Variants in TGM2 observed in about 807,000 individuals in gnomAD.
TGM2 encodes the protein transglutaminase 2, also known as protein-glutamine gamma-glutamyltransferase 2.
In TGM2, 53 loss-of-function variants were observed where a neutral mutation model predicts 75.6. The ratio of observed to expected loss-of-function variants is 0.70; its 90% CI spans 0.56 to 0.88. The LOEUF (loss-of-function observed/expected upper bound fraction) is 0.88, where lower values mean the gene tolerates loss of function less well. Ranked by LOEUF, TGM2 falls within the 40% of genes least tolerant of loss-of-function variation. The pLI is 0.00. For synonymous variants in TGM2, 374 were observed against 381.1 expected (o/e 0.98, Z 0.22); for missense variants, 842 against 928.5 (o/e 0.91, Z 1.21).
chr20:38,130,128 G>A lies in TGM2; in HGVS notation c.*91C>T. 1 of 1,557,444 alleles carries A rather than the reference G, an allele frequency of 6.4e-7. No homozygotes were observed. Among genetic ancestry groups the A allele is most frequent in the Admixed American group, 1.9e-5 (1 of 52,906 alleles). On this transcript the variant is annotated 3_prime_UTR_variant, in exon 13 of 13. Coordinates refer to ENST00000361475, the MANE Select transcript of TGM2 (RefSeq NM_004613.4). ...GCTGCCCACCCTGCCCTGGGGTCTGGGGCCCAAGAAGGGGCATATTTTGCT... is the reference window on the plus strand; with the variant it reads ...GCTGCCCACCCTGCCCTGGGGTCTGAGGCCCAAGAAGGGGCATATTTTGCT...
intron 9 of TGM2, among the ~76,000 whole-genome samples, chr20:38,139,182 A>G (rs766038271): frequency 2.0e-5 from 3 of 152,200 alleles, no homozygotes; most frequent in Non-Finnish European, 2.9e-5. Flanking sequence ...AACTGATTTA[A>G]CATCAGTAGC....
At chr20:38,150,554 A>G (rs948730665) in intron 4 of TGM2, among the ~76,000 whole-genome samples, 1 of 152,202 alleles carries the variant, frequency 6.6e-6, no homozygotes, top group African/African-American at 2.4e-5. Flanking sequence ...GATCTGGGTG[A>G]GGGTTTAAAG....
At chr20:38,131,398 C>G (rs1048386884) in intron 11 of TGM2, among the ~76,000 whole-genome samples, 169 bp from the exon 12 acceptor site, 1 of 147,008 alleles carries the variant, frequency 6.8e-6, no homozygotes, top group African/African-American at 2.6e-5. Context: ...CGGGAAAACA[C>G]CGATTGTGCT....
rs1375135628 is a variant in TGM2 at position 38,130,112 on chromosome 20, C to T, written c.*107G>A. The T allele has an allele frequency of 2.7e-6, 4 of 1,507,294 alleles. No individual in the cohort carries two copies. Among genetic ancestry groups the T allele is most frequent in the East Asian group, 4.7e-5 (2 of 42,716 alleles). The allele number at this position is 1,507,294 out of a possible 1,614,324, so 93.4% of individuals were successfully genotyped here. On this transcript the variant is annotated 3_prime_UTR_variant, in exon 13 of 13. Coordinates refer to ENST00000361475, the MANE Select transcript of TGM2 (RefSeq NM_004613.4). The stretch of plus-strand genomic sequence containing the variant: ...CCGAGAGCCCCCATAGGCTGCCCAC[C>T]CTGCCCTGGGGTCTGGGGCCCAAGA...
At chr20:38,141,450 G>C in intron 7 of TGM2, 65 bp from the exon 8 acceptor site, 1 of 1,219,200 alleles carries the variant, frequency 8.2e-7, no homozygotes. Context: ...ACCTCCCACG[G>C]GCAGACCATG....
Position 38,156,057 on chromosome 20 carries a change from CCTTGGT to C in TGM2, c.217_222del (p.Thr73_Lys74del). 1 of 1,613,714 alleles carries C rather than the reference CCTTGGT, an allele frequency of 6.2e-7. No individual in the cohort carries two copies. Among genetic ancestry groups the C allele is most frequent in the Non-Finnish European group, 8.5e-7 (1 of 1,179,982 alleles). On this transcript the variant is annotated inframe_deletion, in exon 3 of 13. Transcript: ENST00000361475. ...ACAGCATCTCTTAGTGGAAAACGGG[CCTTGGT>C]CCCGGCCTCCTGGCTAGGGGCTGGG...
At chr20:38,162,560 C>G (rs753925120) in intron 1 of TGM2, among the ~76,000 whole-genome samples, 1 of 152,190 alleles carries the variant, frequency 6.6e-6, no homozygotes, top group African/African-American at 2.4e-5. Flanking sequence ...TAAAGAGAAA[C>G]TTAAACCCGT....
Position 38,147,990 on chromosome 20 carries a change from C to A in TGM2, c.652G>T (p.Val218Phe), listed in dbSNP as rs200412435. ...CCACTCACCACCCGGCCCACGTAGA[C>A]GGGGCTGCTGCGGCGGGAGCAGTCA... is the stretch of plus-strand genomic sequence containing the variant. ...GRDCSRRSSP[V>F]YVGRVVSGMV... The change falls in exon 5 of 13, where the codon GTC becomes TTC. Residue 218 changes from valine (V) to phenylalanine (F), a missense_variant. Val to Phe is a conservative substitution (Grantham distance 50, BLOSUM62 -1). Transcript: ENST00000361475. The A allele has an allele frequency of 6.2e-7, 1 of 1,612,932 alleles. No individual in the cohort carries two copies. The highest frequency in any genetic ancestry group is 8.5e-7 in the Non-Finnish European group (1 of 1,179,830).
At chr20:38,163,590 A>G (rs926026356) in intron 1 of TGM2, among the ~76,000 whole-genome samples, 6 of 152,062 alleles carry the variant, frequency 3.9e-5, no homozygotes, top group African/African-American at 1.4e-4. Flanking sequence ...CCACCTCACT[A>G]CAGCTCAGTT....
chr20:38,142,437 G>C (rs921605265), intron 6 of TGM2, among the ~76,000 whole-genome samples: 3 of 152,216 alleles, frequency 2.0e-5, no homozygotes, highest in Non-Finnish European at 4.4e-5. Context: ...CCCCGGCCAG[G>C]CGTGGTGGCT....
rs1169195788 is a variant in TGM2, at chr20:38,156,408, T to C, written c.191-319A>G. ...GCTCAGTTCCACTGCTCTGCAATGA[T>C]GTGACTCGGGACAAGCCCATCCCTC... On this transcript the variant is annotated intron_variant, in intron 2 of 12. Transcript: ENST00000361475. 2.6e-5 allele frequency among the ~76,000 whole-genome samples: 4 copies of C among 152,398 alleles called. No individual in the cohort carries two copies. The East Asian group carries it at 5.8e-4, about 22-fold the overall frequency.
At chr20:38,151,462 A>G (rs2075114932) in intron 3 of TGM2, among the ~76,000 whole-genome samples, 1 of 152,182 alleles carries the variant, frequency 6.6e-6, no homozygotes, top group South Asian at 2.1e-4. Context: ...GGAGTCAGGA[A>G]ACTCCTGATT....
intron 4 of TGM2, among the ~76,000 whole-genome samples, chr20:38,150,198 G>A (rs972666934): frequency 6.6e-5 from 10 of 152,174 alleles, no homozygotes; most frequent in African/African-American, 2.2e-4. Flanking sequence ...ACCAGCCCAG[G>A]CTGGCCCACT....
At chr20:38,150,729 T>C (rs1043297304) in intron 4 of TGM2, among the ~76,000 whole-genome samples, 2 of 152,256 alleles carry the variant, frequency 1.3e-5, no homozygotes, top group African/African-American at 4.8e-5. Context: ...CCACCTTGAA[T>C]CCAAGGCTGC....
chr20:38,158,503 A>C (rs1475458283), intron 2 of TGM2, among the ~76,000 whole-genome samples: 2 of 152,080 alleles, frequency 1.3e-5, no homozygotes, highest in African/African-American at 2.4e-5. Context: ...TTCCAGAGTA[A>C]AGCCTTCTAT....
intron 10 of TGM2, among the ~76,000 whole-genome samples, chr20:38,135,648 G>A (rs45565039): frequency 9.7e-4 from 147 of 152,130 alleles, no homozygotes; most frequent in Non-Finnish European, 1.6e-3. Flanking sequence ...TCGGACTCTC[G>A]GGGCCTGGAT....
intron 4 of TGM2, among the ~76,000 whole-genome samples, chr20:38,148,304 C>T (rs185219540): frequency 3.9e-5 from 6 of 152,262 alleles, no homozygotes; most frequent in Admixed American, 2.0e-4. Context: ...GAGTGTGTGA[C>T]GAAGAGGGTA....
At chr20:38,150,072 A>C (rs1269856521) in intron 4 of TGM2, among the ~76,000 whole-genome samples, 1 of 152,162 alleles carries the variant, frequency 6.6e-6, no homozygotes, top group African/African-American at 2.4e-5. Context: ...ACACACCAGG[A>C]GGTTGAGGGG....
intron 12 of TGM2, 128 bp from the exon 13 acceptor site, chr20:38,130,497 G>C (rs971259651): frequency 1.9e-6 from 2 of 1,030,672 alleles, no homozygotes; most frequent in Non-Finnish European, 1.4e-6. Flanking sequence ...CCTCATTCTC[G>C]GCCCTCTGCG....
Sources: gnomAD v4.1 joint callset for allele counts (sites outside exome capture counted in the v4.1 genomes callset) on GRCh38, gnomAD v4.1.1 for gene constraint, MANE v1.5 for transcripts, NCBI Gene and HGNC (gene_info 2026-07-23, HGNC 2026-07-21) for gene names.